Variants in SFMBT2 observed in about 807,000 individuals in gnomAD.
SFMBT2 encodes scm-like with four MBT domains protein 2.
SFMBT2 carries 38 observed loss-of-function variants against 110.1 expected under a neutral mutation model. That is an observed-to-expected ratio of 0.35 (90% CI 0.27 to 0.45). SFMBT2 has a LOEUF of 0.45. Among genes scored for constraint, SFMBT2 ranks in the 20% least tolerant of loss-of-function variants. The probability of loss-of-function intolerance (pLI) is 1.00; values close to 1 mark genes in which losing one functional copy is unlikely to be tolerated. For missense variants in SFMBT2, 1,011 were observed against 1,094.9 expected (o/e 0.92, Z 1.08); for synonymous variants, 425 against 425.4 (o/e 1.00, Z 0.01).
At chr10:7,352,019 C>T (rs1045296468) in intron 4 of SFMBT2, among the ~76,000 whole-genome samples, 1 of 151,972 alleles carries the variant, frequency 6.6e-6, no homozygotes, top group African/African-American at 2.4e-5. Flanking sequence ...CAGATGAAGT[C>T]GCTTTTTTCT....
intron 7 of SFMBT2, 57 bp downstream of exon 7, chr10:7,276,835 T>A (rs549554834): frequency 1.2e-6 from 1 of 827,144 alleles, no homozygotes; most frequent in East Asian, 2.4e-5. Flanking sequence ...CGGAAAACTT[T>A]GTAGATGATT....
At chr10:7,190,360 G>A (rs1420389263) in intron 15 of SFMBT2, among the ~76,000 whole-genome samples, 7 of 152,168 alleles carry the variant, frequency 4.6e-5, no homozygotes, top group African/African-American at 1.7e-4. Context: ...TTTTCATTGG[G>A]TTTCGCTGAG....
chr10:7,317,150 T>C (rs763422185), intron 4 of SFMBT2, among the ~76,000 whole-genome samples: 1 of 152,130 alleles, frequency 6.6e-6, no homozygotes, highest in Admixed American at 6.5e-5. Flanking sequence ...CCCAGGGTCA[T>C]GTCCTGAGTG....
chr10:7,262,148 C>G (rs1359563470), intron 7 of SFMBT2, among the ~76,000 whole-genome samples: 1 of 152,098 alleles, frequency 6.6e-6, no homozygotes, highest in African/African-American at 2.4e-5. Context: ...CATCAGGTTT[C>G]TCCCTGGAGC....
intron 4 of SFMBT2, among the ~76,000 whole-genome samples, chr10:7,330,258 T>A (rs1312387082): frequency 6.6e-6 from 1 of 152,182 alleles, no homozygotes; most frequent in Non-Finnish European, 1.5e-5. Flanking sequence ...CATTTCTCAT[T>A]ATTTTTAAAA....
chr10:7,297,084 G>T (rs981489407), intron 4 of SFMBT2, among the ~76,000 whole-genome samples: 4 of 152,212 alleles, frequency 2.6e-5, no homozygotes, highest in Non-Finnish European at 5.9e-5. Context: ...CTTCTTTGGA[G>T]AATCCTAACA....
rs117639897 is a variant in SFMBT2, at chr10:7,194,804, C to T, written c.1698+2744G>A. ...AACTAGTTTTGTCATTAGAAAACTG[C>T]TCTGGACTCGGCTTTAAATTTGGCC... On this transcript the variant is annotated intron_variant, in intron 15 of 20. Transcript: ENST00000397167. 6.0e-3 allele frequency among the ~76,000 whole-genome samples: 910 copies of T among 152,254 alleles called. 7 individuals carry two copies. The highest frequency in any genetic ancestry group is 9.3e-3 in the Admixed American group (142 of 15,266).
At chr10:7,274,811 C>T (rs577825593) in intron 7 of SFMBT2, among the ~76,000 whole-genome samples, 2 of 151,986 alleles carry the variant, frequency 1.3e-5, no homozygotes, top group South Asian at 2.1e-4. Context: ...GCTATGATCA[C>T]CCCACTGCAC....
At chr10:7,203,640 A>G in intron 12 of SFMBT2, 2 of 972,572 alleles carry the variant, frequency 2.1e-6, no homozygotes, top group Non-Finnish European at 2.4e-6. Context: ...AGGGGATTGG[A>G]ACCCCAACCC....
chr10:7,199,318 A>G (rs1838877166), intron 14 of SFMBT2, among the ~76,000 whole-genome samples: 1 of 152,114 alleles, frequency 6.6e-6, no homozygotes, highest in African/African-American at 2.4e-5. Flanking sequence ...ATGAGGTTTC[A>G]CTTTTGGCTA....
chr10:7,200,947 G>A, intron 13 of SFMBT2: 2 of 694,396 alleles, frequency 2.9e-6, no homozygotes, highest in Non-Finnish European at 3.5e-6. Flanking sequence ...TAAAAATAAG[G>A]CCTTAAAAGA....
chr10:7,217,800 T>C (rs1159731775), intron 11 of SFMBT2, among the ~76,000 whole-genome samples: 1 of 152,226 alleles, frequency 6.6e-6, no homozygotes, highest in Admixed American at 6.5e-5. Flanking sequence ...CATGATGACC[T>C]GCAGCAGAAC....
At chr10:7,307,548 G>T (rs983372634) in intron 4 of SFMBT2, among the ~76,000 whole-genome samples, 3 of 152,200 alleles carry the variant, frequency 2.0e-5, no homozygotes, top group Non-Finnish European at 2.9e-5. Context: ...TTAATGGTTA[G>T]AACTGGCTCC....
chr10:7,178,155 C>T (rs894011342), intron 16 of SFMBT2, among the ~76,000 whole-genome samples: 9 of 152,294 alleles, frequency 5.9e-5, no homozygotes, highest in African/African-American at 2.2e-4. Flanking sequence ...TGGGGACCCC[C>T]GGACTGCCTG....
chr10:7,401,775 C>A (rs550453602), intron 1 of SFMBT2, among the ~76,000 whole-genome samples: 72 of 152,318 alleles, frequency 4.7e-4, no homozygotes, highest in African/African-American at 1.7e-3. Flanking sequence ...ACACTACCAT[C>A]ATCCAAGCTA....
At chr10:7,226,117 G>C (rs764972825) in intron 10 of SFMBT2, among the ~76,000 whole-genome samples, 1 of 152,200 alleles carries the variant, frequency 6.6e-6, no homozygotes, top group Non-Finnish European at 1.5e-5. Context: ...CCTGCGGAGA[G>C]CCCGGACTGG....
intron 6 of SFMBT2, among the ~76,000 whole-genome samples, chr10:7,280,443 T>C (rs74116448): frequency 0.014 from 2,181 of 152,258 alleles, 48 homozygotes; most frequent in African/African-American, 0.05. Flanking sequence ...GAATAAATTC[T>C]AGAAATAGAG....
At chr10:7,351,959 C>G (rs1844336459) in intron 4 of SFMBT2, among the ~76,000 whole-genome samples, 1 of 151,850 alleles carries the variant, frequency 6.6e-6, no homozygotes, top group South Asian at 2.1e-4. Flanking sequence ...AAACCGAGAG[C>G]AAGATTGTGT....
At chr10:7,211,432 G>A (rs1189148992) in intron 11 of SFMBT2, among the ~76,000 whole-genome samples, 1 of 152,148 alleles carries the variant, frequency 6.6e-6, no homozygotes, top group African/African-American at 2.4e-5. Context: ...CTGCTGCAGA[G>A]CCTTCTGGAG....
Sources: gnomAD v4.1 joint callset for allele counts (sites outside exome capture counted in the v4.1 genomes callset) on GRCh38, gnomAD v4.1.1 for gene constraint, MANE v1.5 for transcripts, NCBI Gene and HGNC (gene_info 2026-07-23, HGNC 2026-07-21) for gene names.